HDAC4: variants seen among roughly 807,000 people sequenced by gnomAD.
HDAC4 encodes the protein histone deacetylase 4, also known as histone deacetylase A.
In HDAC4, 16 loss-of-function variants were observed where a neutral mutation model predicts 135.1. The ratio of observed to expected loss-of-function variants is 0.12; its 90% CI spans 0.08 to 0.18. HDAC4 has a LOEUF of 0.18. Among genes scored for constraint, HDAC4 ranks in the 10% least tolerant of loss-of-function variants. HDAC4 has a pLI of 1.00. For missense variants in HDAC4, 1,143 were observed against 1,511.8 expected, an observed-to-expected ratio of 0.76 and a Z score of 4.05; for synonymous variants, 685 against 653.4, an observed-to-expected ratio of 1.05 and a Z score of -0.74.
chr2:239,205,126 C>G (rs74000520), intron 3 of HDAC4, among the ~76,000 whole-genome samples: 2 of 152,256 alleles, frequency 1.3e-5, no homozygotes, highest in Admixed American at 1.3e-4. Flanking sequence ...ACATTTAGGC[C>G]AGGGACTCAG....
At chr2:239,082,501 C>A (rs941572231) in intron 20 of HDAC4, among the ~76,000 whole-genome samples, 1 of 152,238 alleles carries the variant, frequency 6.6e-6, no homozygotes, top group Non-Finnish European at 1.5e-5. Flanking sequence ...ACTCCAGCAG[C>A]CGATGGGGCT....
chr2:239,076,435 C>G (rs2034772982), intron 22 of HDAC4, among the ~76,000 whole-genome samples: 1 of 152,260 alleles, frequency 6.6e-6, no homozygotes, highest in Non-Finnish European at 1.5e-5. Flanking sequence ...CATCTAAATG[C>G]AATAATTCAC....
Position 239,115,097 on chromosome 2 carries a change from G to A in HDAC4, c.1747C>T (p.Pro583Ser). ...EEAEPPREVE[P>S]GQRQPSEQEL... Reference sequence around the variant, plus strand: ...TGCTCACTGGGCTGGCGCTGGCCCGGCTCCACCTCCCGTGGGGGCTCTGCC... The same window carrying A: ...TGCTCACTGGGCTGGCGCTGGCCCGACTCCACCTCCCGTGGGGGCTCTGCC... The change falls in exon 13 of 27, where the codon CCG becomes TCG. Residue 583 changes from proline to serine, a missense_variant. Around this residue, in one of 9 missense-constraint regions of HDAC4, gnomAD observed 196 missense variants for 210.7 expected, o/e 0.93. Coordinates refer to ENST00000543185, the MANE Select transcript of HDAC4 (RefSeq NM_001378414.1). The surrounding 1 kb of genome is among the most constrained non-coding windows in gnomAD (Gnocchi z 6.3). 4 of 1,611,554 alleles carry A rather than the reference G, an allele frequency of 2.5e-6. No homozygotes were observed. The highest frequency in any genetic ancestry group is 3.4e-6 in the Non-Finnish European group (4 of 1,179,926).
At chr2:239,114,807 G>A (rs958827126) in intron 13 of HDAC4, among the ~76,000 whole-genome samples, 3 of 152,096 alleles carry the variant, frequency 2.0e-5, no homozygotes, top group Admixed American at 6.5e-5. Context: ...TGGGGCCTGC[G>A]CATGGCTGGA....
At chr2:239,295,306 C>CAAAAAAAAAAAAAAA (rs55990119) in intron 2 of HDAC4, among the ~76,000 whole-genome samples, 6 of 46,560 alleles carry the variant, frequency 1.3e-4, no homozygotes, top group East Asian at 8.1e-4. Flanking sequence ...GACTCCGTCT[C>CAAAAAAAAAAAAAAA]AAAAAAAAAA....
Position 239,080,912 on chromosome 2 carries a change from G to A in HDAC4, c.2750+183C>T, listed in dbSNP as rs539337886. The A allele has an allele frequency of 6.7e-6, 4 of 597,074 alleles. No individual in the cohort carries two copies. In the African/African-American group the frequency reaches 7.4e-5, roughly 11 times the overall value. 37.0% of individuals were successfully genotyped at this position (597,074 alleles called of 1,614,324 possible). Reference sequence around the variant, plus strand: ...GAGCACTAAGAGCTGATGGTAAGAAGATAGTCGCCAAGATTCCACGCTTGG... The same window carrying A: ...GAGCACTAAGAGCTGATGGTAAGAAAATAGTCGCCAAGATTCCACGCTTGG... On this transcript the variant is annotated intron_variant, in intron 22 of 26. Coordinates refer to ENST00000543185, the MANE Select transcript of HDAC4 (RefSeq NM_001378414.1).
chr2:239,096,950 G>A (rs1475529228), intron 16 of HDAC4, among the ~76,000 whole-genome samples: 2 of 152,166 alleles, frequency 1.3e-5, no homozygotes, highest in Non-Finnish European at 2.9e-5. Flanking sequence ...CAGGGCAGGA[G>A]GCAGGAGGCA....
At chr2:239,269,035 C>G (rs1329415994) in intron 2 of HDAC4, among the ~76,000 whole-genome samples, 1 of 152,174 alleles carries the variant, frequency 6.6e-6, no homozygotes, top group African/African-American at 2.4e-5. Flanking sequence ...CCATTGGAAA[C>G]GTTCAATTAG....
chr2:239,066,869 C>T lies in HDAC4; in HGVS notation c.2870-14G>A, dbSNP rs113599047. On this transcript the variant is annotated splice_polypyrimidine_tract_variant and intron_variant, in intron 23 of 26. Transcript: ENST00000543185. ...GGTACCCGAAGCCTGCAACGGGAAACGGGAGACTGCAGTGTGAACGGGGGA... is the reference window on the plus strand; with the variant it reads ...GGTACCCGAAGCCTGCAACGGGAAATGGGAGACTGCAGTGTGAACGGGGGA... The T allele has an allele frequency of 3.7e-4, 596 of 1,611,190 alleles. 4 individuals are homozygous for T. In the African/African-American group the frequency reaches 6.3e-3, roughly 17 times the overall value.
chr2:239,065,367 G>C (rs1215413857), intron 24 of HDAC4, among the ~76,000 whole-genome samples: 2 of 152,258 alleles, frequency 1.3e-5, no homozygotes, highest in African/African-American at 4.8e-5. Flanking sequence ...CTGAGCTGCT[G>C]TCCCACTGGT....
chr2:239,190,180 G>T, intron 3 of HDAC4, 103 bp from the exon 4 acceptor site: 5 of 1,434,854 alleles, frequency 3.5e-6, no homozygotes, highest in Non-Finnish European at 4.6e-6. Flanking sequence ...GGGGCGGGGG[G>T]GGGGTTGTGA....
chr2:239,302,745 G>T (rs1161710473), intron 2 of HDAC4, among the ~76,000 whole-genome samples: 3 of 152,228 alleles, frequency 2.0e-5, no homozygotes, highest in Non-Finnish European at 2.9e-5. Context: ...AGCGTTTCGT[G>T]GGCGCACCCC....
intron 1 of HDAC4, among the ~76,000 whole-genome samples, chr2:239,359,837 C>T (rs1253800063): frequency 1.3e-5 from 2 of 152,130 alleles, no homozygotes; most frequent in African/African-American, 2.4e-5. Context: ...GCTAAGAAGC[C>T]AGCTCCAGAA....
chr2:239,073,007 G>A (rs1184976904), intron 22 of HDAC4, among the ~76,000 whole-genome samples: 3 of 152,176 alleles, frequency 2.0e-5, no homozygotes, highest in African/African-American at 7.2e-5. Context: ...CCTGATCCTG[G>A]TGCCCCGCGT....
At chr2:239,127,962 T>C (rs892742670) in intron 11 of HDAC4, among the ~76,000 whole-genome samples, 1 of 152,200 alleles carries the variant, frequency 6.6e-6, no homozygotes, top group African/African-American at 2.4e-5. Context: ...GCAGGGGCTA[T>C]TTCTAAATTT....
At chr2:239,108,278 C>T in intron 14 of HDAC4, 95 bp from the exon 15 acceptor site, 2 of 1,434,772 alleles carry the variant, frequency 1.4e-6, no homozygotes, top group Middle Eastern at 2.4e-4. Context: ...GGAACCACCA[C>T]TTCCCTAGAA....
intron 2 of HDAC4, chr2:239,298,267 G>A (rs2052033608): frequency 7.8e-7 from 1 of 1,280,454 alleles, no homozygotes; most frequent in Non-Finnish European, 1.0e-6. Context: ...CGACAGACTG[G>A]GCTGGTGCCC....
intron 7 of HDAC4, among the ~76,000 whole-genome samples, chr2:239,150,017 T>C (rs2042010322): frequency 6.6e-6 from 1 of 152,164 alleles, no homozygotes; most frequent in Admixed American, 6.6e-5. Flanking sequence ...GCTGGCAAAA[T>C]GGTAACCAGA....
At chr2:239,219,364 C>T (rs1202294037) in intron 3 of HDAC4, among the ~76,000 whole-genome samples, 3 of 150,570 alleles carry the variant, frequency 2.0e-5, no homozygotes, top group Non-Finnish European at 4.4e-5. Flanking sequence ...TAAACTATCA[C>T]AAGGACAAAA....
Sources: gnomAD v4.1 joint callset for allele counts (sites outside exome capture counted in the v4.1 genomes callset) on GRCh38, gnomAD v4.1.1 for gene constraint, gnomAD v4.1.1 regional missense constraint, Gnocchi (gnomAD v3.1) non-coding constraint, MANE v1.5 for transcripts, NCBI Gene and HGNC (gene_info 2026-07-23, HGNC 2026-07-21) for gene names.